IMMP2L: variants seen among roughly 807,000 people sequenced by gnomAD.
IMMP2L encodes inner mitochondrial membrane peptidase subunit 2.
A neutral mutation model predicts 19.3 loss-of-function variants in IMMP2L; 18 were observed. That is an observed-to-expected ratio of 0.93 (90% confidence interval 0.64 to 1.38). IMMP2L has a LOEUF of 1.38. IMMP2L is among the 40% of genes most tolerant of loss of function. The pLI is 0.00. For synonymous variants in IMMP2L, 76 were observed against 73.0 expected, an observed-to-expected ratio of 1.04 and a Z score of -0.21; for missense variants, 233 against 218.2, an observed-to-expected ratio of 1.07 and a Z score of -0.43.
At chr7:111,188,962 A>G (rs1017704371) in intron 3 of IMMP2L, among the ~76,000 whole-genome samples, 1 of 152,094 alleles carries the variant, frequency 6.6e-6, no homozygotes, top group African/African-American at 2.4e-5. Context: ...AGATATGGCT[A>G]ATAAAAAAGT....
intron 5 of IMMP2L, among the ~76,000 whole-genome samples, chr7:110,871,319 A>T (rs193276954): frequency 2.0e-5 from 3 of 152,230 alleles, no homozygotes; most frequent in East Asian, 1.9e-4. Context: ...ACTTAAAAAC[A>T]CAGGATCAAT....
rs564554168 is a variant in IMMP2L at position 110,848,475 on chromosome 7, A to G, written c.408+38118T>C. 2.9e-4 allele frequency among the ~76,000 whole-genome samples: 44 copies of G among 152,308 alleles called. 1 individual carries two copies. In the South Asian group the frequency reaches 8.9e-3, roughly 31 times the overall value. On this transcript the variant is annotated intron_variant, in intron 5 of 5. Transcript: ENST00000405709. ...ATAGCTAATGGGAATGTAAAATGAT[A>G]GTCACTTTAGAATACAGTGTGGCAG...
Position 111,123,330 on chromosome 7 carries a change from T to C in IMMP2L, c.240-159765A>G. The stretch of plus-strand genomic sequence containing the variant: ...TGATCAACAGTAAGTGGTTTGATGC[T>C]CTTCCAAATCTAGAGATTCTGATGA... On this transcript the variant is annotated intron_variant, in intron 3 of 5. Coordinates refer to ENST00000405709, the MANE Select transcript of IMMP2L (RefSeq NM_032549.4). This position sits in a 1 kb window ranked among gnomAD's most constrained non-coding sequence, Gnocchi z 6.4. 1 of 1,613,848 alleles carries C rather than the reference T, an allele frequency of 6.2e-7. No individual in the cohort carries two copies.
At chr7:111,371,704 G>A (rs899577826) in intron 3 of IMMP2L, among the ~76,000 whole-genome samples, 9 of 151,874 alleles carry the variant, frequency 5.9e-5, no homozygotes, top group Non-Finnish European at 1.2e-4. Context: ...CAAAAGTAAA[G>A]TAAACACTGG....
At chr7:111,560,460 A>C (rs574252680) in intron 1 of IMMP2L, among the ~76,000 whole-genome samples, 1 of 152,302 alleles carries the variant, frequency 6.6e-6, no homozygotes, top group African/African-American at 2.4e-5. Context: ...TAATTATTAT[A>C]CTCGTACACT....
intron 3 of IMMP2L, among the ~76,000 whole-genome samples, chr7:111,354,035 A>G (rs1230511027): frequency 6.6e-6 from 1 of 152,130 alleles, no homozygotes; most frequent in Non-Finnish European, 1.5e-5. Flanking sequence ...ACTCAGAGAG[A>G]ATGTAAAATC....
At chr7:111,049,886 C>G (rs1792840239) in intron 3 of IMMP2L, among the ~76,000 whole-genome samples, 1 of 152,132 alleles carries the variant, frequency 6.6e-6, no homozygotes, top group South Asian at 2.1e-4. Context: ...CCCACCGCCC[C>G]CATAGGGAAG....
intron 5 of IMMP2L, among the ~76,000 whole-genome samples, chr7:110,733,703 G>A (rs967152530): frequency 6.6e-6 from 1 of 152,094 alleles, no homozygotes; most frequent in Non-Finnish European, 1.5e-5. Context: ...AAGGCCTTTA[G>A]TATGTGATTA....
At chr7:111,349,122 A>G (rs1045066898) in intron 3 of IMMP2L, among the ~76,000 whole-genome samples, 5 of 152,138 alleles carry the variant, frequency 3.3e-5, no homozygotes, top group African/African-American at 1.2e-4. Context: ...TCAGAGCTCA[A>G]ACTACATTAC....
chr7:110,698,104 A>G (rs1043273342), intron 5 of IMMP2L, among the ~76,000 whole-genome samples: 7 of 152,186 alleles, frequency 4.6e-5, no homozygotes, highest in African/African-American at 1.7e-4. Flanking sequence ...TTTCATGGGG[A>G]GGCAGCAGGG....
chr7:111,450,940 C>T (rs1314956104), intron 3 of IMMP2L, among the ~76,000 whole-genome samples: 1 of 151,540 alleles, frequency 6.6e-6, no homozygotes, highest in Non-Finnish European at 1.5e-5. Flanking sequence ...ATTTATGCAG[C>T]CAAAAAACAC....
intron 3 of IMMP2L, among the ~76,000 whole-genome samples, chr7:111,095,018 G>C (rs1797258634): frequency 6.6e-6 from 1 of 152,012 alleles, no homozygotes; most frequent in Admixed American, 6.6e-5. Context: ...TACTATATTT[G>C]CATAATTGTC....
chr7:110,824,996 A>T (rs1803342810), intron 5 of IMMP2L, among the ~76,000 whole-genome samples: 1 of 152,162 alleles, frequency 6.6e-6, no homozygotes, highest in Non-Finnish European at 1.5e-5. Context: ...GCAAAGTCTC[A>T]GGATACAAAA....
intron 5 of IMMP2L, among the ~76,000 whole-genome samples, chr7:110,749,688 T>C (rs1017602493): frequency 2.0e-5 from 3 of 151,550 alleles, no homozygotes; most frequent in Non-Finnish European, 2.9e-5. Flanking sequence ...TAAGTGGGAG[T>C]TGAACAATGA....
At chr7:110,797,378 C>T (rs1322014645) in intron 5 of IMMP2L, among the ~76,000 whole-genome samples, 1 of 151,864 alleles carries the variant, frequency 6.6e-6, no homozygotes, top group Non-Finnish European at 1.5e-5. Context: ...TAAGTGTCTA[C>T]CTTTATTCAA....
rs1311053745 is a variant in IMMP2L at position 111,123,135 on chromosome 7, G to C, written c.240-159570C>G. The stretch of plus-strand genomic sequence containing the variant: ...AAAAGATGCCTCAGCTCCTTTCTGT[G>C]TACCTAGAGGAAAACAAACTTACTG... On this transcript the variant is annotated intron_variant, in intron 3 of 5. Coordinates refer to ENST00000405709, the MANE Select transcript of IMMP2L (RefSeq NM_032549.4). This position sits in a 1 kb window ranked among gnomAD's most constrained non-coding sequence, Gnocchi z 6.4. 1.1e-5 allele frequency: 18 copies of C among 1,613,894 alleles called. No homozygotes were observed. Among genetic ancestry groups the C allele is most frequent in the Non-Finnish European group, 1.5e-5 (18 of 1,179,926 alleles).
At chr7:111,016,617 T>C (rs1825612526) in intron 3 of IMMP2L, among the ~76,000 whole-genome samples, 1 of 109,088 alleles carries the variant, frequency 9.2e-6, no homozygotes, top group Non-Finnish European at 1.6e-5. Flanking sequence ...ATATATAATA[T>C]ATACATATAT....
chr7:110,763,566 A>G (rs997700633), intron 5 of IMMP2L, among the ~76,000 whole-genome samples: 2 of 152,158 alleles, frequency 1.3e-5, no homozygotes, highest in African/African-American at 4.8e-5. Context: ...CCTGAACACT[A>G]CTAAATGGGA....
At chr7:111,445,786 T>C (rs1246516592) in intron 3 of IMMP2L, among the ~76,000 whole-genome samples, 2 of 152,118 alleles carry the variant, frequency 1.3e-5, no homozygotes, top group Admixed American at 6.5e-5. Context: ...TGCATTTCCA[T>C]CTGAGGTACC....
Sources: allele counts gnomAD v4.1 joint callset (sites outside exome capture counted in the v4.1 genomes callset), GRCh38; gene constraint gnomAD v4.1.1; non-coding constraint Gnocchi (gnomAD v3.1); transcripts MANE v1.5; gene names NCBI Gene and HGNC (gene_info 2026-07-23, HGNC 2026-07-21).